PRELID2: variants seen among roughly 807,000 people sequenced by gnomAD.
The protein encoded by PRELID2 is PRELI domain-containing protein 2.
PRELID2 carries 25 observed loss-of-function variants against 28.4 expected under a neutral mutation model. The observed-to-expected ratio is 0.88, with a 90% CI of 0.64 to 1.23. The LOEUF (loss-of-function observed/expected upper bound fraction) is 1.23. PRELID2 is among the 50% of genes most tolerant of loss of function. The pLI is 0.00. For missense variants in PRELID2, 201 were observed against 214.4 expected, an observed-to-expected ratio of 0.94 and a Z score of 0.39; for synonymous variants, 76 against 71.6, an observed-to-expected ratio of 1.06 and a Z score of -0.31.
At chr5:145,282,986 T>C in the PRELID2 span, among the ~76,000 whole-genome samples, 1 of 152,184 alleles carries the variant, frequency 6.6e-6, no homozygotes, top group Non-Finnish European at 1.5e-5. Context: ...TCCAAATATC[T>C]AGATTGTTTA....
At chr5:145,825,903 A>T in intron 1 of PRELID2, 1 of 383,726 alleles carries the variant, frequency 2.6e-6, no homozygotes, top group Non-Finnish European at 3.6e-6. Flanking sequence ...TAACCTGAAT[A>T]TTCATGTTTT....
intron 5 of PRELID2, among the ~76,000 whole-genome samples, chr5:145,778,269 A>G (rs2149790951): frequency 6.6e-6 from 1 of 151,946 alleles, no homozygotes; most frequent in Non-Finnish European, 1.5e-5. Flanking sequence ...AGAGGGGAGC[A>G]ACCCACTCCA....
chr5:145,229,220 C>T, the PRELID2 span: 3 of 803,192 alleles, frequency 3.7e-6, no homozygotes, highest in Non-Finnish European at 6.7e-6. Context: ...ACTCGCTGGC[C>T]CCCCAGATGA....
chr5:145,495,855 G>C (rs13164331), intron 1 of PRELID2, among the ~76,000 whole-genome samples: 27,582 of 151,938 alleles, frequency 0.18, 2,750 homozygotes, highest in South Asian at 0.36. Flanking sequence ...ATTCCCCTGG[G>C]TTTTGCACCA....
the PRELID2 span, among the ~76,000 whole-genome samples, chr5:145,422,418 T>C: frequency 6.6e-6 from 1 of 152,246 alleles, no homozygotes; most frequent in Non-Finnish European, 1.5e-5. Flanking sequence ...TTGGTGCTCC[T>C]GTATTGGGTG....
intron 1 of PRELID2, among the ~76,000 whole-genome samples, chr5:145,694,759 A>C (rs1024002738): frequency 6.6e-6 from 1 of 152,092 alleles, no homozygotes; most frequent in African/African-American, 2.4e-5. Flanking sequence ...TCACGCTTTC[A>C]TATTATGTAA....
the PRELID2 span, among the ~76,000 whole-genome samples, chr5:145,362,030 A>G: frequency 9.2e-5 from 14 of 152,276 alleles, no homozygotes; most frequent in South Asian, 2.7e-3. Flanking sequence ...TTGGATGATG[A>G]TATGTTTATG....
chr5:145,541,622 T>C (rs1752745851), intron 1 of PRELID2, among the ~76,000 whole-genome samples: 1 of 152,076 alleles, frequency 6.6e-6, no homozygotes, highest in African/African-American at 2.4e-5. Flanking sequence ...ATCCCACATA[T>C]GCATTGTATA....
rs957494050 is a variant in PRELID2 at position 145,615,586 on chromosome 5, A to G, written n.71-142271T>C. Among the ~76,000 whole-genome samples the G allele has an allele frequency of 3.3e-4, 49 of 150,064 alleles. 8 individuals are homozygous for G. Among genetic ancestry groups the G allele is most frequent in the African/African-American group, 1.2e-3 (49 of 40,188 alleles). ...CGTGATCTGCCCGCCTCGGCCTCCC[A>G]AAGTGCTGGGATTACAGGCGTGAGC... On this transcript the variant is annotated intron_variant and non_coding_transcript_variant, in intron 1 of 2. Transcript: ENST00000510259.
At chr5:145,271,874 A>G in the PRELID2 span, among the ~76,000 whole-genome samples, 1 of 152,158 alleles carries the variant, frequency 6.6e-6, no homozygotes, top group Non-Finnish European at 1.5e-5. Flanking sequence ...CAATTCTGTG[A>G]GTTATTGAAG....
chr5:145,302,522 CT>C, the PRELID2 span, among the ~76,000 whole-genome samples: 2 of 151,228 alleles, frequency 1.3e-5, no homozygotes, highest in Non-Finnish European at 2.9e-5. Flanking sequence ...TATTTTTTAC[CT>C]TTTTGAATCT....
At chr5:145,685,033 C>T (rs1279835956) in intron 1 of PRELID2, among the ~76,000 whole-genome samples, 1 of 152,166 alleles carries the variant, frequency 6.6e-6, no homozygotes, top group East Asian at 1.9e-4. Context: ...ATCATCAAGT[C>T]TTGTTGCTTC....
intron 1 of PRELID2, among the ~76,000 whole-genome samples, chr5:145,651,861 A>G (rs1256276023): frequency 6.6e-6 from 1 of 152,278 alleles, no homozygotes; most frequent in Non-Finnish European, 1.5e-5. Flanking sequence ...CCCCATCCAA[A>G]GGAACGCAGC....
the PRELID2 span, among the ~76,000 whole-genome samples, chr5:145,287,706 A>G: frequency 6.6e-6 from 1 of 152,266 alleles, no homozygotes; most frequent in African/African-American, 2.4e-5. Flanking sequence ...TCAGTATGGC[A>G]CTTTTGATAT....
intron 1 of PRELID2, among the ~76,000 whole-genome samples, chr5:145,605,389 A>G (rs1287880636): frequency 1.3e-5 from 2 of 152,136 alleles, no homozygotes; most frequent in Admixed American, 1.3e-4. Context: ...TCTTCTGCAT[A>G]TGGCTAGGCA....
intron 1 of PRELID2, among the ~76,000 whole-genome samples, chr5:145,500,386 C>T (rs982530165): frequency 6.6e-5 from 10 of 151,830 alleles, no homozygotes; most frequent in African/African-American, 9.7e-5. Context: ...GAGGCCTCCC[C>T]GGAAGCAGAA....
At chr5:145,268,271 A>G in the PRELID2 span, among the ~76,000 whole-genome samples, 1 of 152,142 alleles carries the variant, frequency 6.6e-6, no homozygotes, top group Admixed American at 6.6e-5. Context: ...TAAGAGTTTG[A>G]AGTCCTAGAT....
intron 1 of PRELID2, among the ~76,000 whole-genome samples, chr5:145,572,221 C>T (rs1561508507): frequency 6.6e-6 from 1 of 152,156 alleles, no homozygotes; most frequent in Non-Finnish European, 1.5e-5. Flanking sequence ...ACTAGTTGTC[C>T]TGTCTTTCCA....
chr5:145,655,992 A>C (rs1754386335), intron 1 of PRELID2, among the ~76,000 whole-genome samples: 1 of 152,200 alleles, frequency 6.6e-6, no homozygotes, highest in Admixed American at 6.5e-5. Context: ...AAAATTTTGC[A>C]ATCTACTCAT....
Sources: gnomAD v4.1 joint callset for allele counts (sites outside exome capture counted in the v4.1 genomes callset) on GRCh38, gnomAD v4.1.1 for gene constraint, MANE v1.5 for transcripts, NCBI Gene and HGNC (gene_info 2026-07-23, HGNC 2026-07-21) for gene names.